ZNF503: variants seen among roughly 807,000 people sequenced by gnomAD.
ZNF503 encodes the protein NocA-like zinc finger 2.
ZNF503 carries 15 observed loss-of-function variants against 34.4 expected under a neutral mutation model. That is an observed-to-expected ratio of 0.44 (90% CI 0.29 to 0.67). ZNF503 has a LOEUF of 0.67. Ranked by LOEUF, ZNF503 falls within the 30% of genes least tolerant of loss-of-function variation. The probability of loss-of-function intolerance (pLI) is 0.13; values close to 1 mark genes in which losing one functional copy is unlikely to be tolerated. For synonymous variants in ZNF503, 580 were observed against 456.8 expected (o/e 1.27, Z -3.44); for missense variants, 1,007 against 926.8 (o/e 1.09, Z -1.12).
At chr10:75,390,448 T>C in the ZNF503 span, among the ~76,000 whole-genome samples, 14 of 135,122 alleles carry the variant, frequency 1.0e-4, no homozygotes, top group Admixed American at 5.9e-4. Context: ...CCCCTCCCCC[T>C]CTTCCTCCTT....
the ZNF503 span, among the ~76,000 whole-genome samples, chr10:75,348,305 G>A: frequency 6.6e-5 from 10 of 151,278 alleles, no homozygotes; most frequent in Non-Finnish European, 1.3e-4. Context: ...CAAGTGATCC[G>A]CCTTTCTCAG....
At chr10:75,284,433 G>A in the ZNF503 span, among the ~76,000 whole-genome samples, 1 of 151,896 alleles carries the variant, frequency 6.6e-6, no homozygotes, top group South Asian at 2.1e-4. Context: ...CTGGGTTGGG[G>A]GAAGGGGACT....
the ZNF503 span, among the ~76,000 whole-genome samples, chr10:75,375,384 G>C: frequency 6.6e-6 from 1 of 152,136 alleles, no homozygotes; most frequent in Non-Finnish European, 1.5e-5. Flanking sequence ...GCCTCCCAAA[G>C]TGCTGGGATT....
chr10:75,299,876 A>AATAGAGGC, the ZNF503 span, among the ~76,000 whole-genome samples: 1 of 152,230 alleles, frequency 6.6e-6, no homozygotes, highest in African/African-American at 2.4e-5. Context: ...TCACAAGGCA[A>AATAGAGGC]ATAGAGGCAG....
At chr10:75,377,472 A>G in the ZNF503 span, among the ~76,000 whole-genome samples, 4 of 152,202 alleles carry the variant, frequency 2.6e-5, no homozygotes, top group Non-Finnish European at 5.9e-5. Context: ...TCAGGGTCCC[A>G]TTCTGAAATA....
At chr10:75,288,666 G>C in the ZNF503 span, 2 of 152,728 alleles carry the variant, frequency 1.3e-5, no homozygotes. Context: ...CAGGTGGGCT[G>C]TGGAACAACT....
chr10:75,280,608 T>G, the ZNF503 span, among the ~76,000 whole-genome samples: 2 of 151,658 alleles, frequency 1.3e-5, no homozygotes, highest in African/African-American at 2.4e-5. Flanking sequence ...CACTGTGTTT[T>G]CATTCATCCA....
At chr10:75,343,026 G>A in the ZNF503 span, among the ~76,000 whole-genome samples, 1 of 152,350 alleles carries the variant, frequency 6.6e-6, no homozygotes, top group South Asian at 2.1e-4. Flanking sequence ...TGACGCTTGA[G>A]CTGAGACCCA....
At chr10:75,328,764 G>A in the ZNF503 span, among the ~76,000 whole-genome samples, 2 of 35,108 alleles carry the variant, frequency 5.7e-5, no homozygotes, top group Non-Finnish European at 1.2e-4. Flanking sequence ...TTTTTTTTTT[G>A]AGACGAAGTC....
At chr10:75,292,860 G>A in the ZNF503 span, among the ~76,000 whole-genome samples, 129 of 152,226 alleles carry the variant, frequency 8.5e-4, 1 homozygote, top group East Asian at 0.02. Context: ...CTACCTCCTC[G>A]TTCTTCTGTT....
the ZNF503 span, among the ~76,000 whole-genome samples, chr10:75,350,115 G>A: frequency 2.6e-5 from 4 of 152,194 alleles, no homozygotes; most frequent in Non-Finnish European, 5.9e-5. Context: ...TGGATTTACA[G>A]TTTCAGGAAG....
the ZNF503 span, among the ~76,000 whole-genome samples, chr10:75,357,707 A>G: frequency 7.5e-3 from 1,140 of 152,186 alleles, 6 homozygotes; most frequent in African/African-American, 0.026. Flanking sequence ...GCCCAAGAGC[A>G]CACAGCTAAG....
chr10:75,281,322 G>C, the ZNF503 span, among the ~76,000 whole-genome samples: 4 of 152,134 alleles, frequency 2.6e-5, no homozygotes, highest in Non-Finnish European at 5.9e-5. Context: ...AGAAGATTTG[G>C]AGAGTATCAG....
chr10:75,305,469 A>G, the ZNF503 span, among the ~76,000 whole-genome samples: 3 of 152,180 alleles, frequency 2.0e-5, no homozygotes, highest in Non-Finnish European at 1.5e-5. Context: ...TTTGAGGATT[A>G]ACTATTTATC....
chr10:75,326,151 A>T, the ZNF503 span, among the ~76,000 whole-genome samples: 1 of 152,238 alleles, frequency 6.6e-6, no homozygotes, highest in Non-Finnish European at 1.5e-5. Flanking sequence ...CATTGCCACT[A>T]TGTAGAAATA....
chr10:75,282,056 T>C, the ZNF503 span, among the ~76,000 whole-genome samples: 1 of 152,220 alleles, frequency 6.6e-6, no homozygotes, highest in Admixed American at 6.5e-5. Context: ...CCATCCCCGC[T>C]CCTTCCCTGT....
the ZNF503 span, among the ~76,000 whole-genome samples, chr10:75,312,949 G>A: frequency 6.6e-6 from 1 of 152,074 alleles, no homozygotes; most frequent in Non-Finnish European, 1.5e-5. Flanking sequence ...AAATCTGATG[G>A]TTTTATAAAT....
chr10:75,331,647 TTG>T, the ZNF503 span, among the ~76,000 whole-genome samples: 1 of 152,148 alleles, frequency 6.6e-6, no homozygotes, highest in African/African-American at 2.4e-5. Flanking sequence ...GGGGTCTCAT[TTG>T]CTTCTTGGCC....
At chr10:75,308,195 CT>C in the ZNF503 span, among the ~76,000 whole-genome samples, 228 of 133,216 alleles carry the variant, frequency 1.7e-3, no homozygotes, top group Middle Eastern at 4.0e-3. Context: ...GACAATACAT[CT>C]TTTTTTTTTT....
Sources: allele counts gnomAD v4.1 joint callset (sites outside exome capture counted in the v4.1 genomes callset), GRCh38; gene constraint gnomAD v4.1.1; transcripts MANE v1.5; gene names NCBI Gene and HGNC (gene_info 2026-07-23, HGNC 2026-07-21).